The following PES1 variants were observed in gnomAD, a reference collection of about 807,000 sequenced individuals.
The protein encoded by PES1 is pescadillo homolog.
PES1 carries 31 observed loss-of-function variants against 77.1 expected under a neutral mutation model. The observed-to-expected ratio is 0.40, with a 90% CI of 0.30 to 0.54. PES1 has a LOEUF of 0.54. Ranked by LOEUF, PES1 falls within the 20% of genes least tolerant of loss-of-function variation. PES1 has a pLI of 0.45. For missense variants in PES1, 658 were observed against 771.7 expected (o/e 0.85, Z 1.75); for synonymous variants, 282 against 303.0 (o/e 0.93, Z 0.72).
chr22:30,579,509 G>A, intron 12 of PES1: 1 of 797,824 alleles, frequency 1.3e-6, no homozygotes, highest in Non-Finnish European at 2.0e-6. Context: ...CCTGAGCTCT[G>A]TCGCCTCCAA....
chr22:30,590,829 A>C (rs1479042244), intron 1 of PES1, among the ~76,000 whole-genome samples: 1 of 152,114 alleles, frequency 6.6e-6, no homozygotes, highest in East Asian at 1.9e-4. Flanking sequence ...TCTGGCTCTG[A>C]AACCCAGCTT....
Position 30,587,403 on chromosome 22 carries a change from A to G in PES1, c.259-8T>C. ...GAGCTTCCGGACGAACACCTGGAAGAAAGAAAGAAAACACCTCAATGCTGA... is the reference window on the plus strand; with the variant it reads ...GAGCTTCCGGACGAACACCTGGAAGGAAGAAAGAAAACACCTCAATGCTGA... On this transcript the variant is annotated splice_region_variant and splice_polypyrimidine_tract_variant and intron_variant, in intron 3 of 14. Coordinates refer to ENST00000354694, the MANE Select transcript of PES1 (RefSeq NM_014303.4). 2 of 1,604,658 alleles carry G rather than the reference A, an allele frequency of 1.2e-6. No homozygotes were observed. The highest frequency in any genetic ancestry group is 1.7e-6 in the Non-Finnish European group (2 of 1,171,684).
intron 4 of PES1, 21 bp downstream of exon 4, chr22:30,587,265 C>T (rs565361057): frequency 6.6e-7 from 1 of 1,525,378 alleles, no homozygotes; most frequent in South Asian, 1.1e-5. Flanking sequence ...ACAGCAGTGT[C>T]CTGAGGAAAG....
chr22:30,578,963 C>A lies in PES1; in HGVS notation c.1557G>T (p.Glu519Asp), dbSNP rs780717277. Residue 519 changes from glutamate to aspartate, a missense_variant, in exon 14 of 15, where the codon GAG becomes GAT. Transcript: ENST00000354694. ...PRVMAGTLKLEDKQRLAQEEE... is the reference protein window; with the variant it reads ...PRVMAGTLKLDDKQRLAQEEE... ...CCTCCTGGGCCAGCCGCTGCTTATC[C>A]TCCAGCTTCAAGGTGCCTGCCATCA... 6.2e-7 allele frequency: 1 copy of A among 1,612,840 alleles called. No individual in the cohort carries two copies. Among genetic ancestry groups the A allele is most frequent in the Admixed American group, 1.7e-5 (1 of 60,000 alleles).
At chr22:30,584,774 C>A in intron 4 of PES1, 57 bp from the exon 5 acceptor site, 1 of 1,562,288 alleles carries the variant, frequency 6.4e-7, no homozygotes. Context: ...CCAAGGGGGA[C>A]CCTGATCTCC....
At chr22:30,599,391 C>G (rs1215642102) in intron 2 of PES1, among the ~76,000 whole-genome samples, 1 of 152,014 alleles carries the variant, frequency 6.6e-6, no homozygotes, top group Non-Finnish European at 1.5e-5. Flanking sequence ...CAGCCGAAAC[C>G]AAAATGACCT....
intron 2 of PES1, among the ~76,000 whole-genome samples, chr22:30,600,505 A>G (rs769666528): frequency 1.2e-4 from 18 of 152,024 alleles, no homozygotes; most frequent in African/African-American, 1.7e-4. Flanking sequence ...CAAAAAAGCG[A>G]GGTCCTGTCT....
intron 2 of PES1, chr22:30,605,299 T>G (rs2087421339): frequency 4.8e-6 from 1 of 208,694 alleles, no homozygotes; most frequent in Non-Finnish European, 8.4e-6. Flanking sequence ...CCAGTATTTC[T>G]AATATGTATG....
upstream of PES1, among the ~76,000 whole-genome samples, chr22:30,595,228 T>G (rs2087237031): frequency 6.6e-6 from 1 of 151,952 alleles, no homozygotes; most frequent in East Asian, 1.9e-4. Context: ...ATCCAAGATC[T>G]CCTGCTTGAG....
Position 30,587,351 on chromosome 22 carries a change from C to T in PES1, c.303G>A (p.Trp101Ter). Residue 101 changes from tryptophan (W) to a stop codon, truncating the protein, a stop_gained, in exon 4 of 15, where the codon TGG (tryptophan) becomes TGA (stop). Transcript: ENST00000354694. LOFTEE classifies it high-confidence loss of function. The stretch of plus-strand genomic sequence containing the variant: ...TGTCCTTTAAACGCTCTACAGTGTT[C>T]CACTCGCTCTTCCCATAAGCCTTCC... The part of the protein sequence containing the change: ...KLRKAYGKSE[W>*]NTVERLKDNK... The T allele has an allele frequency of 6.2e-7, 1 of 1,614,014 alleles. No homozygotes were observed. Among genetic ancestry groups the T allele is most frequent in the Non-Finnish European group, 8.5e-7 (1 of 1,179,970 alleles).
At chr22:30,581,804 T>A (rs1311649464) in intron 6 of PES1, among the ~76,000 whole-genome samples, 160 bp from the exon 7 acceptor site, 1 of 152,154 alleles carries the variant, frequency 6.6e-6, no homozygotes, top group African/African-American at 2.4e-5. Flanking sequence ...AGGGGTGGCA[T>A]GGATCTTCCC....
At chr22:30,586,547 C>T (rs1481370769) in intron 4 of PES1, among the ~76,000 whole-genome samples, 6 of 152,236 alleles carry the variant, frequency 3.9e-5, no homozygotes, top group Non-Finnish European at 8.8e-5. Flanking sequence ...GCGTATTTAG[C>T]AGCATCACTG....
upstream of PES1, among the ~76,000 whole-genome samples, chr22:30,595,266 G>A (rs1242414348): frequency 6.6e-6 from 1 of 152,010 alleles, no homozygotes; most frequent in Admixed American, 6.6e-5. Flanking sequence ...CTGGCTGGGC[G>A]CGACAGCTCA....
chr22:30,580,690 C>T lies in PES1; in HGVS notation c.924G>A (p.Ala308=), dbSNP rs369510488. Residue 308 remains alanine, a synonymous_variant, in exon 10 of 15, where the codon GCG becomes GCA. Coordinates refer to ENST00000354694, the MANE Select transcript of PES1 (RefSeq NM_014303.4). ...DEFPTDGEMS[A]QEEDRRKELE... ...GCTCCTTCCTGCGGTCTTCCTCCTG[C>T]GCTGACATCTCCTGTTGAGAAAGGG... The T allele has an allele frequency of 3.7e-5, 60 of 1,613,334 alleles. 1 individual carries two copies. The South Asian group carries it at 4.9e-4, about 13-fold the overall frequency.
rs768989697 is a variant in PES1 at position 30,587,267 on chromosome 22, T to A, written c.368+19A>T. On this transcript the variant is annotated intron_variant, in intron 4 of 14. Coordinates refer to ENST00000354694, the MANE Select transcript of PES1 (RefSeq NM_014303.4). Reference sequence around the variant, plus strand: ...AGTAAATGAAGAAACAGCAGTGTCCTGAGGAAAGCCCGGCTCACCGTTCCT... The same window carrying A: ...AGTAAATGAAGAAACAGCAGTGTCCAGAGGAAAGCCCGGCTCACCGTTCCT... 2 of 1,545,596 alleles carry A rather than the reference T, an allele frequency of 1.3e-6. No individual in the cohort carries two copies. Among genetic ancestry groups the A allele is most frequent in the Non-Finnish European group, 1.8e-6 (2 of 1,118,394 alleles).
chr22:30,597,836 A>G (rs201861194), intron 2 of PES1, among the ~76,000 whole-genome samples: 2 of 151,104 alleles, frequency 1.3e-5, no homozygotes, highest in East Asian at 1.9e-4. Flanking sequence ...TGCCCGACTC[A>G]GCTGTGGTAA....
chr22:30,578,749 TAG>T, intron 14 of PES1, 86 bp downstream of exon 14: 1 of 1,430,200 alleles, frequency 7.0e-7, no homozygotes, highest in Non-Finnish European at 9.7e-7. Context: ...TCAGTCTGCC[TAG>T]AGGAGGGCCC....
chr22:30,579,340 T>C (rs75046423), intron 12 of PES1, 37 bp from the exon 13 acceptor site: 6 of 1,599,160 alleles, frequency 3.8e-6, no homozygotes, highest in Non-Finnish European at 5.1e-6. Context: ...GCCCTGGGAA[T>C]CTACTGTCTC....
At chr22:30,603,129 T>A (rs531166004) in intron 2 of PES1, among the ~76,000 whole-genome samples, 1 of 152,182 alleles carries the variant, frequency 6.6e-6, no homozygotes, top group Admixed American at 6.5e-5. Context: ...CAGGCTGGTC[T>A]CGAACTCCTG....
Sources: gnomAD v4.1 joint callset for allele counts (sites outside exome capture counted in the v4.1 genomes callset) on GRCh38, gnomAD v4.1.1 for gene constraint, MANE v1.5 for transcripts, NCBI Gene and HGNC (gene_info 2026-07-23, HGNC 2026-07-21) for gene names.